The following AGAP1 variants were observed in gnomAD, a reference collection of about 807,000 sequenced individuals.
The protein encoded by AGAP1 is arf-GAP with GTPase, ANK repeat and PH domain-containing protein 1.
AGAP1 carries 29 observed loss-of-function variants against 105.3 expected under a neutral mutation model. The observed-to-expected ratio is 0.28, with a 90% confidence interval of 0.21 to 0.38. The LOEUF (loss-of-function observed/expected upper bound fraction) is 0.38, where lower values mean the gene tolerates loss of function less well. Among genes scored for constraint, AGAP1 ranks in the 10% least tolerant of loss-of-function variants. The pLI is 1.00. For missense variants in AGAP1, 998 were observed against 1,165.1 expected (o/e 0.86, Z 2.09); for synonymous variants, 509 against 485.9 (o/e 1.05, Z -0.63).
chr2:235,884,464 T>TGTTTG (rs1448981143), intron 10 of AGAP1, among the ~76,000 whole-genome samples: 23 of 145,000 alleles, frequency 1.6e-4, no homozygotes, highest in African/African-American at 5.8e-4. Flanking sequence ...TTTTTTTTTT[T>TGTTTG]TTTTTGAGAG....
intron 1 of AGAP1, among the ~76,000 whole-genome samples, chr2:235,643,455 A>G (rs1559309782): frequency 6.7e-6 from 1 of 150,300 alleles, no homozygotes; most frequent in East Asian, 1.9e-4. Flanking sequence ...AAAAAAAAAA[A>G]AAAAAGAAAG....
intron 1 of AGAP1, among the ~76,000 whole-genome samples, chr2:235,591,828 T>C (rs1436728390): frequency 1.3e-5 from 2 of 152,044 alleles, no homozygotes; most frequent in Non-Finnish European, 2.9e-5. Flanking sequence ...AGAGACCTGG[T>C]TGTTTAAAAG....
rs144850156 is a variant in AGAP1 at position 236,053,299 on chromosome 2, C to G, written c.2114+4018C>G. 6.6e-6 allele frequency among the ~76,000 whole-genome samples: 1 copy of G among 152,198 alleles called. No individual in the cohort carries two copies. Among genetic ancestry groups the G allele is most frequent in the African/African-American group, 2.4e-5 (1 of 41,448 alleles). On this transcript the variant is annotated intron_variant, in intron 16 of 17. Coordinates refer to ENST00000304032, the MANE Select transcript of AGAP1 (RefSeq NM_001037131.3). This position sits in a 1 kb window ranked among gnomAD's most constrained non-coding sequence, Gnocchi z 4.6. The stretch of plus-strand genomic sequence containing the variant: ...GAGTAAATGAGTGAAAGCGGGAACT[C>G]GTCATCATGGAACACATGTCAGGTG...
chr2:235,533,551 A>G (rs1316062457), intron 1 of AGAP1, among the ~76,000 whole-genome samples: 1 of 152,246 alleles, frequency 6.6e-6, no homozygotes, highest in Non-Finnish European at 1.5e-5. Context: ...ATGTTGAGCA[A>G]AATTATACTC....
chr2:236,039,778 A>G (rs1277706413), intron 14 of AGAP1, among the ~76,000 whole-genome samples: 1 of 152,230 alleles, frequency 6.6e-6, no homozygotes, highest in Non-Finnish European at 1.5e-5. Context: ...TTTAAAGTAC[A>G]TATGTGTATG....
rs201403330 is a variant in AGAP1 at position 235,494,867 on chromosome 2, T to C, written c.163+18T>C. ...CATCGAAGGTGAGGGCCGGGCCGCC[T>C]TGGGGCCTCGGGAAGGCACGGACGC... On this transcript the variant is annotated intron_variant, in intron 1 of 17. Transcript: ENST00000304032. 1.1e-4 allele frequency: 166 copies of C among 1,542,396 alleles called. No homozygotes were observed. In the African/African-American group the frequency reaches 2.0e-3, roughly 18 times the overall value.
rs115389966 is a variant in AGAP1 at position 235,761,146 on chromosome 2, G to A, written c.673+10658G>A. Among the ~76,000 whole-genome samples, 877 of 152,236 alleles carry A rather than the reference G, an allele frequency of 5.8e-3. 5 individuals carry two copies. Among genetic ancestry groups the A allele is most frequent in the African/African-American group, 0.02 (810 of 41,534 alleles). Reference sequence around the variant, plus strand: ...GAAGAAATTATCTTAAAATCTTAAGGTTGATGCTGCAAACAACCAGAGACA... The same window carrying A: ...GAAGAAATTATCTTAAAATCTTAAGATTGATGCTGCAAACAACCAGAGACA... On this transcript the variant is annotated intron_variant, in intron 6 of 17. Coordinates refer to ENST00000304032, the MANE Select transcript of AGAP1 (RefSeq NM_001037131.3).
chr2:236,052,644 G>C (rs532008133), intron 16 of AGAP1, among the ~76,000 whole-genome samples: 1 of 152,018 alleles, frequency 6.6e-6, no homozygotes, highest in Non-Finnish European at 1.5e-5. Context: ...GTCAAGAAAA[G>C]CATCTTTTAA....
intron 1 of AGAP1, among the ~76,000 whole-genome samples, chr2:235,525,939 A>G (rs1942818761): frequency 9.6e-6 from 1 of 103,680 alleles, no homozygotes. Flanking sequence ...GGACTGATTT[A>G]TAAAGTAGAG....
chr2:235,661,653 G>A (rs1315555412), intron 1 of AGAP1, among the ~76,000 whole-genome samples: 2 of 152,234 alleles, frequency 1.3e-5, no homozygotes, highest in South Asian at 2.1e-4. Flanking sequence ...GAGACATGGA[G>A]CATCTCAGGG....
rs1017464296 is a variant in AGAP1 at position 235,610,251 on chromosome 2, G to A, written c.164-98928G>A. Among the ~76,000 whole-genome samples the A allele has an allele frequency of 6.6e-6, 1 of 152,128 alleles. No individual in the cohort carries two copies. Among genetic ancestry groups the A allele is most frequent in the Non-Finnish European group, 1.5e-5 (1 of 68,026 alleles). On this transcript the variant is annotated intron_variant, in intron 1 of 17. Coordinates refer to ENST00000304032, the MANE Select transcript of AGAP1 (RefSeq NM_001037131.3). The surrounding 1 kb of genome is among the most constrained non-coding windows in gnomAD (Gnocchi z 4.9). ...GAACATGGCTCTAGCTTCTTCGTTG[G>A]CCAGACAGGATCTGCTGTATCCTTA... is the stretch of plus-strand genomic sequence containing the variant.
rs1245427166 is a variant in AGAP1 at position 235,962,235 on chromosome 2, TGA to T, written c.1484-6225_1484-6224del. 6.6e-6 allele frequency among the ~76,000 whole-genome samples: 1 copy of T among 151,996 alleles called. No individual in the cohort carries two copies. The highest frequency in any genetic ancestry group is 1.5e-5 in the Non-Finnish European group (1 of 67,994). ...GATTGAAGGGCAGGCCAGAGGCCAC[TGA>T]GGGGTACACTGACCACACAGAGGAG... is the stretch of plus-strand genomic sequence containing the variant. On this transcript the variant is annotated intron_variant, in intron 12 of 17. Transcript: ENST00000304032. This position sits in a 1 kb window ranked among gnomAD's most constrained non-coding sequence, Gnocchi z 5.3.
In AGAP1 at chr2:235,927,036, C is replaced by T. The variant is rs754094043; in HGVS notation, c.1325-3729C>T. ...CTATGAGCTCAGCCTGGACGTCAGG[C>T]GATAGTCTGTGGATCTGATTGAAAG... On this transcript the variant is annotated intron_variant, in intron 11 of 17. Transcript: ENST00000304032. This position sits in a 1 kb window ranked among gnomAD's most constrained non-coding sequence, Gnocchi z 4.4. 5.9e-5 allele frequency among the ~76,000 whole-genome samples: 9 copies of T among 152,194 alleles called. No individual in the cohort carries two copies. Among genetic ancestry groups the T allele is most frequent in the South Asian group, 2.1e-4 (1 of 4,824 alleles).
At chr2:236,021,172 A>G (rs1385512421) in intron 13 of AGAP1, among the ~76,000 whole-genome samples, 1 of 151,982 alleles carries the variant, frequency 6.6e-6, no homozygotes, top group Non-Finnish European at 1.5e-5. Context: ...TCTCAAAAAA[A>G]AAAAAAAAAA....
rs1240034248 is a variant in AGAP1, at chr2:235,930,807, T to G, written c.1367T>G (p.Ile456Ser). ...TCTGGGTCTCAGATGGCAAGCGGCA[T>G]CAGCCTGGTCTCCTTCAACAGCCGA... ...SASGSQMASG[I>S]SLVSFNSRPD... is the part of the protein sequence containing the mutation. The change falls in exon 12 of 18, where the codon ATC becomes AGC. Residue 456 changes from isoleucine to serine, a missense_variant. This residue lies in a region of AGAP1 where 735 missense variants were observed against 833.4 expected (regional missense o/e 0.88). Transcript: ENST00000304032. This position sits in a 1 kb window ranked among gnomAD's most constrained non-coding sequence, Gnocchi z 7.9. 2.5e-6 allele frequency: 4 copies of G among 1,614,008 alleles called. No homozygotes were observed. The highest frequency in any genetic ancestry group is 3.3e-5 in the Admixed American group (2 of 59,998).
intron 1 of AGAP1, among the ~76,000 whole-genome samples, chr2:235,595,322 C>T (rs1295046679): frequency 2.6e-5 from 4 of 152,118 alleles, no homozygotes; most frequent in African/African-American, 7.2e-5. Context: ...AGCACACCCT[C>T]GAGGGGCCGG....
In AGAP1 at chr2:236,113,400, A is replaced by G. The variant is rs926151617; in HGVS notation, c.2115-6792A>G. 6.6e-6 allele frequency among the ~76,000 whole-genome samples: 1 copy of G among 152,114 alleles called. No individual in the cohort carries two copies. The highest frequency in any genetic ancestry group is 2.4e-5 in the African/African-American group (1 of 41,418). On this transcript the variant is annotated intron_variant, in intron 16 of 17. Coordinates refer to ENST00000304032, the MANE Select transcript of AGAP1 (RefSeq NM_001037131.3). The surrounding 1 kb of genome is among the most constrained non-coding windows in gnomAD (Gnocchi z 4.3). ...GTGATCCACCCACTTCGGCCTCCCA[A>G]AGTGCTGGGATTACAGTCATGAGCC...
Position 236,058,427 on chromosome 2 carries a change from A to C in AGAP1, c.2114+9146A>C, listed in dbSNP as rs1015241852. Among the ~76,000 whole-genome samples the C allele has an allele frequency of 2.0e-5, 3 of 152,232 alleles. No individual in the cohort carries two copies. Among genetic ancestry groups the C allele is most frequent in the Admixed American group, 6.5e-5 (1 of 15,286 alleles). On this transcript the variant is annotated intron_variant, in intron 16 of 17. Coordinates refer to ENST00000304032, the MANE Select transcript of AGAP1 (RefSeq NM_001037131.3). This position sits in a 1 kb window ranked among gnomAD's most constrained non-coding sequence, Gnocchi z 4.6. ...AAGGCAAGGTTGGTTCGACACGCAAAAATCAATCAATGTGATATACCACAT... is the reference window on the plus strand; with the variant it reads ...AAGGCAAGGTTGGTTCGACACGCAACAATCAATCAATGTGATATACCACAT...
At chr2:236,107,996 CTT>C (rs1282051661) in intron 16 of AGAP1, among the ~76,000 whole-genome samples, 1 of 152,258 alleles carries the variant, frequency 6.6e-6, no homozygotes, top group Non-Finnish European at 1.5e-5. Flanking sequence ...TTTATTTTGT[CTT>C]TGCCCCACTA....
Sources: allele counts gnomAD v4.1 joint callset (sites outside exome capture counted in the v4.1 genomes callset), GRCh38; gene constraint gnomAD v4.1.1; regional missense constraint gnomAD v4.1.1; non-coding constraint Gnocchi (gnomAD v3.1); transcripts MANE v1.5; gene names NCBI Gene and HGNC (gene_info 2026-07-23, HGNC 2026-07-21).